Variants in APIP observed in about 807,000 individuals in gnomAD.
APIP encodes the protein APAF1 interacting protein.
Under a neutral mutation model 32.0 loss-of-function variants are expected in APIP, and 32 were observed. The observed-to-expected ratio is 1.00, with a 90% CI of 0.76 to 1.34. The LOEUF is 1.34. Ranked by LOEUF, APIP falls within the 40% of genes most tolerant of loss-of-function variation. APIP has a pLI of 0.00. For synonymous variants in APIP, 92 were observed against 94.8 expected (o/e 0.97, Z 0.17); for missense variants, 247 against 298.6 (o/e 0.83, Z 1.27).
At chr11:34,911,821 C>A (rs1312640301) in intron 1 of APIP, among the ~76,000 whole-genome samples, 1 of 151,946 alleles carries the variant, frequency 6.6e-6, no homozygotes, top group Non-Finnish European at 1.5e-5. Context: ...ATGAAATGAC[C>A]TTCCCCTCCC....
intron 4 of APIP, 46 bp downstream of exon 4, chr11:34,888,706 G>T: frequency 7.4e-7 from 1 of 1,359,194 alleles, no homozygotes. Context: ...ATTTAGAGGA[G>T]CCTACTCTGC....
At chr11:34,894,877 T>A (rs888830522) in intron 2 of APIP, 133 bp downstream of exon 2, 3 of 745,770 alleles carry the variant, frequency 4.0e-6, no homozygotes, top group Admixed American at 2.3e-5. Context: ...TGTCCACTTG[T>A]CCATTTAGAA....
At chr11:34,901,874 G>A (rs1244262283) in intron 1 of APIP, among the ~76,000 whole-genome samples, 1 of 152,126 alleles carries the variant, frequency 6.6e-6, no homozygotes, top group Non-Finnish European at 1.5e-5. Flanking sequence ...TTCCTAACCA[G>A]AGACAGTATC....
At chr11:34,896,866 G>T in intron 1 of APIP, 1 of 1,237,602 alleles carries the variant, frequency 8.1e-7, no homozygotes, top group Non-Finnish European at 1.1e-6. Flanking sequence ...CTAGAAGCAT[G>T]AGACAAAACC....
chr11:34,911,641 G>A (rs1853552543), intron 1 of APIP, among the ~76,000 whole-genome samples: 1 of 152,080 alleles, frequency 6.6e-6, no homozygotes, highest in African/African-American at 2.4e-5. Context: ...CCTTAAAAAA[G>A]CAAAACTAAA....
intron 1 of APIP, among the ~76,000 whole-genome samples, chr11:34,900,077 G>T (rs1590709674): frequency 6.6e-6 from 1 of 152,306 alleles, no homozygotes; most frequent in South Asian, 2.1e-4. Context: ...GGCCTGCTTG[G>T]TGGAGCCTTG....
intron 5 of APIP, among the ~76,000 whole-genome samples, chr11:34,887,748 C>T (rs1464059630): frequency 6.6e-6 from 1 of 152,086 alleles, no homozygotes; most frequent in African/African-American, 2.4e-5. Context: ...TGAAGAATTA[C>T]TACACTTTTG....
chr11:34,907,919 G>C (rs1853483775), intron 1 of APIP, among the ~76,000 whole-genome samples: 1 of 151,956 alleles, frequency 6.6e-6, no homozygotes. Context: ...TTGTCTCCGA[G>C]ATACTACTCA....
intron 1 of APIP, among the ~76,000 whole-genome samples, chr11:34,901,888 T>C (rs1422180355): frequency 2.0e-5 from 3 of 152,152 alleles, no homozygotes; most frequent in African/African-American, 7.2e-5. Context: ...CAGTATCCCC[T>C]GAGCCCAGAG....
chr11:34,889,172 T>G (rs1853142723), intron 3 of APIP, among the ~76,000 whole-genome samples: 1 of 152,088 alleles, frequency 6.6e-6, no homozygotes, highest in Non-Finnish European at 1.5e-5. Context: ...TAAAAAAAAT[T>G]TGAAGACAAA....
At chr11:34,899,273 G>T (rs914995018) in intron 1 of APIP, among the ~76,000 whole-genome samples, 2 of 151,970 alleles carry the variant, frequency 1.3e-5, no homozygotes, top group Admixed American at 1.3e-4. Context: ...GCTTCCTTTT[G>T]CACCACTAGA....
intron 4 of APIP, 58 bp downstream of exon 4, chr11:34,888,694 T>C (rs1326250625): frequency 2.3e-6 from 3 of 1,325,026 alleles, no homozygotes; most frequent in Admixed American, 2.5e-5. Context: ...ATAATTACCA[T>C]TATTTAGAGG....
At chr11:34,886,663 G>C (rs1205167784) in intron 5 of APIP, among the ~76,000 whole-genome samples, 2 of 152,130 alleles carry the variant, frequency 1.3e-5, no homozygotes, top group Non-Finnish European at 2.9e-5. Flanking sequence ...GCCTTAGACA[G>C]GTGTGCCACT....
At chr11:34,886,199 CCTGAAGACCTTCCA>C (rs1294530944) in intron 5 of APIP, among the ~76,000 whole-genome samples, 1 of 151,610 alleles carries the variant, frequency 6.6e-6, no homozygotes, top group Non-Finnish European at 1.5e-5. Context: ...GTTACTTGCC[CCTGAAGACCTTCCA>C]CTGAGACAAG....
At chr11:34,884,739 A>C (rs1347053074) in intron 5 of APIP, among the ~76,000 whole-genome samples, 2 of 152,104 alleles carry the variant, frequency 1.3e-5, no homozygotes, top group Admixed American at 6.5e-5. Flanking sequence ...AAAAAGAAAA[A>C]AGTATCCTTA....
intron 1 of APIP, among the ~76,000 whole-genome samples, chr11:34,902,861 T>C (rs759010554): frequency 1.3e-5 from 2 of 152,126 alleles, no homozygotes; most frequent in Non-Finnish European, 2.9e-5. Flanking sequence ...CAACAGTCAA[T>C]GGGTTACCTA....
chr11:34,894,981 C>A, intron 2 of APIP, 29 bp downstream of exon 2: 2 of 1,574,170 alleles, frequency 1.3e-6, no homozygotes, highest in South Asian at 1.1e-5. Context: ...ATGGAGAGTT[C>A]CCAGTAATAA....
At chr11:34,888,605 G>T in intron 4 of APIP, 147 bp downstream of exon 4, 1 of 1,096,756 alleles carries the variant, frequency 9.1e-7, no homozygotes, top group Non-Finnish European at 1.3e-6. Flanking sequence ...TTCCTCATAG[G>T]TTGATGTGAG....
At chr11:34,889,731 G>A (rs1347732606) in intron 3 of APIP, among the ~76,000 whole-genome samples, 3 of 151,936 alleles carry the variant, frequency 2.0e-5, no homozygotes, top group Non-Finnish European at 4.4e-5. Flanking sequence ...GAGAACATGC[G>A]GTATTTGATT....
Sources: gnomAD v4.1 joint callset for allele counts (sites outside exome capture counted in the v4.1 genomes callset) on GRCh38, gnomAD v4.1.1 for gene constraint, MANE v1.5 for transcripts, NCBI Gene and HGNC (gene_info 2026-07-23, HGNC 2026-07-21) for gene names.